Variants in MED13 observed in about 807,000 individuals in gnomAD.
MED13 encodes mediator complex subunit 13.
A neutral mutation model predicts 225.2 loss-of-function variants in MED13; 23 were observed. The ratio of observed to expected loss-of-function variants is 0.10; its 90% CI spans 0.07 to 0.14. The LOEUF (loss-of-function observed/expected upper bound fraction) is 0.14. Among genes scored for constraint, MED13 ranks in the 10% least tolerant of loss-of-function variants. The pLI is 1.00. For missense variants in MED13, 2,197 were observed against 2,594.5 expected, an observed-to-expected ratio of 0.85 and a Z score of 3.33; for synonymous variants, 942 against 889.2, an observed-to-expected ratio of 1.06 and a Z score of -1.06.
intron 2 of MED13, 35 bp downstream of exon 2, chr17:62,063,032 T>G: frequency 6.8e-7 from 1 of 1,476,042 alleles, no homozygotes. Context: ...ACAATGTTGC[T>G]ATATCATTAG....
At chr17:62,041,255 T>C (rs866715221) in intron 3 of MED13, among the ~76,000 whole-genome samples, 70 of 152,350 alleles carry the variant, frequency 4.6e-4, no homozygotes, top group African/African-American at 1.6e-3. Context: ...GAAGATTTTA[T>C]GCTTACTGAA....
Position 61,956,476 on chromosome 17 carries a change from C to T in MED13, c.5486G>A (p.Arg1829His), listed in dbSNP as rs533580488. The change falls in exon 24 of 30, where the codon CGT becomes CAT. Residue 1829 changes from arginine to histidine, a missense_variant. Physicochemically the swap from Arg to His is conservative, Grantham distance 29. Around this residue, in one of 12 missense-constraint regions of MED13, gnomAD observed 78 missense variants for 82.1 expected, o/e 0.95. Coordinates refer to ENST00000397786, the MANE Select transcript of MED13 (RefSeq NM_005121.3). Reference protein sequence around the residue: ...IINIDVPNRARRKKSSARKFG... With the variant: ...IINIDVPNRAHRKKSSARKFG... Reference sequence around the variant, plus strand: ...TTTTCTAGCAGAACTTTTTTTCCGACGAGCCCTATTGTGTGAATAAAGAGA... The same window carrying T: ...TTTTCTAGCAGAACTTTTTTTCCGATGAGCCCTATTGTGTGAATAAAGAGA... 22 of 1,610,866 alleles carry T rather than the reference C, an allele frequency of 1.4e-5. No individual in the cohort carries two copies. The East Asian group carries it at 2.5e-4, about 18-fold the overall frequency.
At chr17:62,049,080 A>C (rs1263361986) in intron 3 of MED13, among the ~76,000 whole-genome samples, 1 of 144,890 alleles carries the variant, frequency 6.9e-6, no homozygotes. Context: ...AAATAAGACA[A>C]AAAAAAAAAA....
chr17:61,992,213 T>C (rs73991954), intron 11 of MED13, among the ~76,000 whole-genome samples: 3 of 152,336 alleles, frequency 2.0e-5, no homozygotes, highest in South Asian at 2.1e-4. Context: ...CCAGTCAATA[T>C]GTGCCTTCAT....
intron 3 of MED13, among the ~76,000 whole-genome samples, chr17:62,041,652 C>T (rs1603407676): frequency 6.6e-6 from 1 of 152,104 alleles, no homozygotes; most frequent in South Asian, 2.1e-4. Context: ...TCAGAATTCA[C>T]TGCAGCTTCC....
intron 9 of MED13, among the ~76,000 whole-genome samples, chr17:61,996,228 C>G (rs1256149201): frequency 1.3e-5 from 2 of 152,160 alleles, no homozygotes; most frequent in African/African-American, 2.4e-5. Flanking sequence ...TTTTTTCTCT[C>G]TGAAGACCCG....
In MED13 at chr17:61,942,862, G is replaced by A. The variant is rs1282083005; in HGVS notation, c.*3606C>T. The A allele has an allele frequency of 2.6e-5, 4 of 152,496 alleles. No individual in the cohort carries two copies. The highest frequency in any genetic ancestry group is 4.8e-5 in the African/African-American group (2 of 41,426). 9.4% of individuals were successfully genotyped at this position (152,496 alleles called of 1,614,324 possible). ...TCATAAAGTGACCAAGCTATTTTGA[G>A]AGGGTTGATGCTGACATGTCCAGTA... On this transcript the variant is annotated 3_prime_UTR_variant, in exon 30 of 30. Coordinates refer to ENST00000397786, the MANE Select transcript of MED13 (RefSeq NM_005121.3).
intron 8 of MED13, 143 bp from the exon 9 acceptor site, chr17:62,011,376 G>A: frequency 1.3e-6 from 1 of 769,718 alleles, no homozygotes; most frequent in Non-Finnish European, 1.9e-6. Context: ...ATTTGAAAGG[G>A]GAAAAAAATA....
At chr17:61,955,961 G>C (rs1022913492) in intron 24 of MED13, 123 bp from the exon 25 acceptor site, 94 of 1,340,950 alleles carry the variant, frequency 7.0e-5, no homozygotes, top group Non-Finnish European at 8.4e-5. Context: ...TTTTAAATTA[G>C]TGTATTCCTC....
intron 9 of MED13, chr17:62,003,599 C>CAAAAAAAAAAAAAACAAAAAA (rs2080417363): frequency 1.9e-5 from 1 of 51,744 alleles, no homozygotes; most frequent in Non-Finnish European, 3.3e-5. Flanking sequence ...CAGCAAAACT[C>CAAAAAAAAAAAAAACAAAAAA]AAAAAAAAAA....
intron 16 of MED13, 84 bp downstream of exon 16, chr17:61,982,114 G>A: frequency 1.5e-6 from 2 of 1,335,464 alleles, no homozygotes; most frequent in East Asian, 4.6e-5. Context: ...TTGCCACATG[G>A]GAAACTGCCT....
intron 8 of MED13, among the ~76,000 whole-genome samples, chr17:62,026,278 C>G (rs904432549): frequency 6.6e-6 from 1 of 152,140 alleles, no homozygotes; most frequent in African/African-American, 2.4e-5. Context: ...CCACGTTCAT[C>G]TATTCTTCTA....
chr17:62,064,026 G>A (rs1197729417), intron 1 of MED13, among the ~76,000 whole-genome samples: 2 of 152,198 alleles, frequency 1.3e-5, no homozygotes, highest in East Asian at 1.9e-4. Flanking sequence ...TAAGAAATTC[G>A]ACAAGAGGAA....
At chr17:62,057,993 T>C (rs1461905335) in intron 2 of MED13, among the ~76,000 whole-genome samples, 1 of 152,172 alleles carries the variant, frequency 6.6e-6, no homozygotes, top group African/African-American at 2.4e-5. Context: ...CCAAAAATGT[T>C]AGAACACAGA....
At position 61,957,865 on chromosome 17, in the gene MED13, ATTAC is replaced by A. The variant is rs1324110782; in HGVS notation, c.5481-1388_5481-1385del. Among the ~76,000 whole-genome samples the A allele has an allele frequency of 4.6e-5, 7 of 151,748 alleles. No homozygotes were observed. In the East Asian group the frequency reaches 1.4e-3, roughly 30 times the overall value. ...ACTCTTTGGCTGAGCAACAGTGGCT[ATTAC>A]TTTTTTTTCTTTTGAGACGGAGTCT... On this transcript the variant is annotated intron_variant, in intron 23 of 29. Transcript: ENST00000397786.
Position 61,995,197 on chromosome 17 carries a change from T to C in MED13, c.2136A>G (p.Lys712=). The C allele has an allele frequency of 6.2e-7, 1 of 1,613,832 alleles. No individual in the cohort carries two copies. The change falls in exon 10 of 30, where the codon AAA becomes AAG. Residue 712 remains lysine, a synonymous_variant. Coordinates refer to ENST00000397786, the MANE Select transcript of MED13 (RefSeq NM_005121.3). Reference sequence around the variant, plus strand: ...CTCTCTCACTATTTTGTCTATCTTTTTTATCAGGAAAAAGGAATTCCTCAT... The same window carrying C: ...CTCTCTCACTATTTTGTCTATCTTTCTTATCAGGAAAAAGGAATTCCTCAT... ...EGDEEFLFPD[K]KDRQNSEREA...
At chr17:62,054,615 A>G (rs2143765958) in intron 2 of MED13, among the ~76,000 whole-genome samples, 1 of 152,246 alleles carries the variant, frequency 6.6e-6, no homozygotes, top group African/African-American at 2.4e-5. Flanking sequence ...AGTTGATGAC[A>G]AAAAAAGAGA....
intron 9 of MED13, among the ~76,000 whole-genome samples, chr17:61,996,181 C>G (rs1370054163): frequency 6.6e-6 from 1 of 152,194 alleles, no homozygotes; most frequent in Non-Finnish European, 1.5e-5. Flanking sequence ...AAGAAGCAAG[C>G]TGATCTATAC....
At chr17:61,993,265 G>T (rs185952109) in intron 10 of MED13, among the ~76,000 whole-genome samples, 411 of 133,042 alleles carry the variant, frequency 3.1e-3, no homozygotes, top group Non-Finnish European at 4.9e-3. Context: ...GCAGTGGCAT[G>T]ATCTTGGCTC....
Sources: gnomAD v4.1 joint callset for allele counts (sites outside exome capture counted in the v4.1 genomes callset) on GRCh38, gnomAD v4.1.1 for gene constraint, gnomAD v4.1.1 regional missense constraint, MANE v1.5 for transcripts, NCBI Gene and HGNC (gene_info 2026-07-23, HGNC 2026-07-21) for gene names.